The following ST6GAL2 variants were observed in gnomAD, a reference collection of about 807,000 sequenced individuals.
ST6GAL2 encodes beta-galactoside alpha-2,6-sialyltransferase 2.
A neutral mutation model predicts 37.5 loss-of-function variants in ST6GAL2; 24 were observed. The observed-to-expected ratio is 0.64, with a 90% CI of 0.46 to 0.90. The LOEUF is 0.90. Among genes scored for constraint, ST6GAL2 ranks in the 40% least tolerant of loss-of-function variants. The probability of loss-of-function intolerance (pLI) is 0.00; values close to 1 mark genes in which losing one functional copy is unlikely to be tolerated. For synonymous variants in ST6GAL2, 306 were observed against 295.1 expected, an observed-to-expected ratio of 1.04 and a Z score of -0.38; for missense variants, 715 against 712.7, an observed-to-expected ratio of 1.00 and a Z score of -0.04.
At chr2:106,834,178 G>A (rs1676540090) in intron 2 of ST6GAL2, 32 bp from the exon 3 acceptor site, 1 of 1,507,490 alleles carries the variant, frequency 6.6e-7, no homozygotes, top group East Asian at 2.3e-5. Flanking sequence ...GCTTACTTTT[G>A]TTCTCTGTAG....
At chr2:106,842,883 C>G (rs1676949628) in intron 2 of ST6GAL2, 152 bp downstream of exon 2, 2 of 494,710 alleles carry the variant, frequency 4.0e-6, no homozygotes, top group Non-Finnish European at 6.7e-6. Flanking sequence ...AATGGGAAAG[C>G]ACCTGAAGAA....
At chr2:106,871,953 AATCATT>A (rs1248812311) in intron 1 of ST6GAL2, among the ~76,000 whole-genome samples, 4 of 152,258 alleles carry the variant, frequency 2.6e-5, no homozygotes, top group Non-Finnish European at 4.4e-5. Flanking sequence ...TATTGTTTAT[AATCATT>A]ATCAAGTATT....
intron 2 of ST6GAL2, among the ~76,000 whole-genome samples, chr2:106,836,227 T>C (rs1289906854): frequency 6.6e-6 from 1 of 152,242 alleles, no homozygotes; most frequent in Non-Finnish European, 1.5e-5. Flanking sequence ...TTTTAGAAAG[T>C]TGGTTTCTCA....
At chr2:106,885,556 A>C (rs539914893) in intron 1 of ST6GAL2, among the ~76,000 whole-genome samples, 7 of 152,186 alleles carry the variant, frequency 4.6e-5, no homozygotes, top group African/African-American at 1.7e-4. Context: ...CCAACACAGA[A>C]CCGGCAAATC....
chr2:106,861,293 T>G (rs576883068), intron 1 of ST6GAL2, among the ~76,000 whole-genome samples: 1 of 152,320 alleles, frequency 6.6e-6, no homozygotes, highest in Non-Finnish European at 1.5e-5. Flanking sequence ...ATCCTGGCCC[T>G]TTTTCCTTAC....
chr2:106,875,253 G>A (rs1678455947), intron 1 of ST6GAL2, among the ~76,000 whole-genome samples: 1 of 147,874 alleles, frequency 6.8e-6, no homozygotes, highest in South Asian at 2.1e-4. Context: ...TCAGCTCACT[G>A]CAACCTCCGC....
rs146572697 is a variant in ST6GAL2, at chr2:106,843,879, G to A, written c.99C>T (p.Ser33=). ...FLLIFIYFTD[S]NPAEPVPSSL... is the part of the protein sequence containing the mutation. Reference sequence around the variant, plus strand: ...AGCTGGGTACAGGCTCAGCGGGGTTGCTGTCGGTGAAGTAGATGAAAATCA... The same window carrying A: ...AGCTGGGTACAGGCTCAGCGGGGTTACTGTCGGTGAAGTAGATGAAAATCA... The change falls in exon 2 of 6, where the codon AGC becomes AGT. Residue 33 remains serine (S), a synonymous_variant. Coordinates refer to ENST00000409382, the MANE Select transcript of ST6GAL2 (RefSeq NM_001142351.2). 1 of 1,608,802 alleles carries A rather than the reference G, an allele frequency of 6.2e-7. No individual in the cohort carries two copies. Among genetic ancestry groups the A allele is most frequent in the Non-Finnish European group, 8.5e-7 (1 of 1,179,548 alleles).
intron 2 of ST6GAL2, among the ~76,000 whole-genome samples, chr2:106,842,318 G>A (rs903244728): frequency 6.6e-5 from 10 of 152,238 alleles, no homozygotes; most frequent in Admixed American, 1.3e-4. Context: ...TGACAGGGAT[G>A]TGAAGGCAGA....
chr2:106,817,922 G>C (rs568042220), intron 5 of ST6GAL2, among the ~76,000 whole-genome samples: 1 of 152,286 alleles, frequency 6.6e-6, no homozygotes, highest in African/African-American at 2.4e-5. Flanking sequence ...ATGTACATTG[G>C]TGGAAGCCAG....
chr2:106,865,508 A>C (rs1343052890), intron 1 of ST6GAL2, among the ~76,000 whole-genome samples: 1 of 152,320 alleles, frequency 6.6e-6, no homozygotes, highest in East Asian at 1.9e-4. Flanking sequence ...TACAGTGCTT[A>C]ACACATGAAA....
At chr2:106,867,716 G>A (rs1036550855) in intron 1 of ST6GAL2, among the ~76,000 whole-genome samples, 4 of 149,216 alleles carry the variant, frequency 2.7e-5, no homozygotes, top group Non-Finnish European at 5.9e-5. Flanking sequence ...CCCGACCCCC[G>A]CCGCCAAAAT....
intron 5 of ST6GAL2, among the ~76,000 whole-genome samples, chr2:106,829,170 A>C (rs1676315830): frequency 6.6e-6 from 1 of 152,140 alleles, no homozygotes. Context: ...GATGCTGCAC[A>C]TTCCTGGACA....
intron 1 of ST6GAL2, among the ~76,000 whole-genome samples, chr2:106,884,985 C>CT (rs1553430067): frequency 7.2e-6 from 1 of 138,300 alleles, no homozygotes; most frequent in Non-Finnish European, 1.6e-5. Flanking sequence ...ACATATACAT[C>CT]ATATATATAT....
At chr2:106,829,933 T>C in intron 5 of ST6GAL2, 133 bp downstream of exon 5, 1 of 872,678 alleles carries the variant, frequency 1.1e-6, no homozygotes, top group Non-Finnish European at 1.7e-6. Context: ...AAATCCAAAA[T>C]CAGAAATACT....
chr2:106,814,748 C>T (rs1412186481), intron 5 of ST6GAL2, among the ~76,000 whole-genome samples: 2 of 152,156 alleles, frequency 1.3e-5, no homozygotes, highest in South Asian at 4.1e-4. Context: ...TGAGATCACT[C>T]ACCTATAAAA....
intron 1 of ST6GAL2, among the ~76,000 whole-genome samples, chr2:106,869,811 C>T (rs1558725999): frequency 6.6e-6 from 1 of 152,204 alleles, no homozygotes; most frequent in African/African-American, 2.4e-5. Context: ...CGCACCTGCC[C>T]AGGTGGCTGG....
rs1675420723 is a variant in ST6GAL2, at chr2:106,806,603, A to G, written c.*75T>C. 6 of 1,504,352 alleles carry G rather than the reference A, an allele frequency of 4.0e-6. No homozygotes were observed. Among genetic ancestry groups the G allele is most frequent in the Non-Finnish European group, 4.5e-6 (5 of 1,102,952 alleles). 93.2% of individuals were successfully genotyped at this position (1,504,352 alleles called of 1,614,324 possible). On this transcript the variant is annotated 3_prime_UTR_variant, in exon 6 of 6. Coordinates refer to ENST00000409382, the MANE Select transcript of ST6GAL2 (RefSeq NM_001142351.2). Reference sequence around the variant, plus strand: ...CTCAAAACTACACTGTCTAAAATCTATCTTCAAGTATTCTTTTGTGACTTT... The same window carrying G: ...CTCAAAACTACACTGTCTAAAATCTGTCTTCAAGTATTCTTTTGTGACTTT...
chr2:106,823,442 AACACACACAC>A lies in ST6GAL2; in HGVS notation c.1318+6614_1318+6623del, dbSNP rs60795605. Among the ~76,000 whole-genome samples, 113 of 101,598 alleles carry A rather than the reference AACACACACAC, an allele frequency of 1.1e-3. 1 individual carries two copies. Among genetic ancestry groups the A allele is most frequent in the African/African-American group, 3.3e-3 (99 of 30,016 alleles). 66.7% of individuals were successfully genotyped at this position (101,598 alleles called of 152,430 possible). A position where few individuals can be genotyped will look rare whatever the true frequency, so the allele number is the denominator to read the frequency against. ...TATTGCTTTCCTTTTCCCAGCAGAA[AACACACACAC>A]ACACACACACACACACACACACACA... is the stretch of plus-strand genomic sequence containing the variant. On this transcript the variant is annotated intron_variant, in intron 5 of 5. Transcript: ENST00000409382.
At chr2:106,873,623 C>T (rs769589980) in intron 1 of ST6GAL2, among the ~76,000 whole-genome samples, 2 of 152,180 alleles carry the variant, frequency 1.3e-5, no homozygotes, top group Admixed American at 6.5e-5. Context: ...CCATTAGTTC[C>T]GAATGCTTTG....
Sources: gnomAD v4.1 joint callset for allele counts (sites outside exome capture counted in the v4.1 genomes callset) on GRCh38, gnomAD v4.1.1 for gene constraint, MANE v1.5 for transcripts, NCBI Gene and HGNC (gene_info 2026-07-23, HGNC 2026-07-21) for gene names.